RARB: variants seen among roughly 807,000 people sequenced by gnomAD.
RARB encodes retinoic acid receptor beta.
In RARB, 17 loss-of-function variants were observed where a neutral mutation model predicts 51.9. That is an observed-to-expected ratio of 0.33 (90% CI 0.22 to 0.49). RARB has a LOEUF of 0.49. Ranked by LOEUF, RARB falls within the 20% of genes least tolerant of loss-of-function variation. The pLI, the probability that RARB is intolerant of heterozygous loss-of-function variation, is 0.99. For synonymous variants in RARB, 215 were observed against 195.4 expected (o/e 1.10, Z -0.84); for missense variants, 369 against 550.8 (o/e 0.67, Z 3.30).
chr3:25,286,903 T>C (rs79507751), intron 5 of RARB, among the ~76,000 whole-genome samples: 7,478 of 152,300 alleles, frequency 0.049, 195 homozygotes, highest in Middle Eastern at 0.071. Context: ...CTTCAAGATA[T>C]CTATTTTACA....
intron 4 of RARB, among the ~76,000 whole-genome samples, chr3:25,165,305 G>A (rs1700542341): frequency 6.6e-6 from 1 of 151,938 alleles, no homozygotes; most frequent in Non-Finnish European, 1.5e-5. Flanking sequence ...GTAGTCTCAT[G>A]GCTTCTGCCA....
chr3:25,412,036 T>C (rs748338434), intron 5 of RARB, among the ~76,000 whole-genome samples: 2 of 152,156 alleles, frequency 1.3e-5, no homozygotes, highest in Admixed American at 1.3e-4. Flanking sequence ...GAATTGTAGA[T>C]AGCATGAGGG....
At chr3:25,298,524 T>A (rs1447877316) in intron 5 of RARB, among the ~76,000 whole-genome samples, 1 of 152,144 alleles carries the variant, frequency 6.6e-6, no homozygotes, top group Non-Finnish European at 1.5e-5. Context: ...AACAATTCTT[T>A]GTGTGTCTGT....
At chr3:25,526,843 C>G (rs773517621) in intron 3 of RARB, among the ~76,000 whole-genome samples, 1 of 152,136 alleles carries the variant, frequency 6.6e-6, no homozygotes, top group African/African-American at 2.4e-5. Context: ...CCCATGATTC[C>G]TTACTCATGA....
At position 25,291,280 on chromosome 3, in the gene RARB, A is replaced by G. The variant is rs961301914; in HGVS notation, c.178+116705A>G. On this transcript the variant is annotated intron_variant, in intron 5 of 11. Transcript: ENST00000383772. ...AGATCAGTTCGAGTTCAAGCATGGA[A>G]CGCTGTGCATTCTGTAAAATAATGT... Among the ~76,000 whole-genome samples the G allele has an allele frequency of 3.9e-5, 6 of 152,186 alleles. No individual in the cohort carries two copies. In the East Asian group the frequency reaches 1.2e-3, roughly 29 times the overall value.
At chr3:25,317,685 G>A (rs989819210) in intron 5 of RARB, among the ~76,000 whole-genome samples, 1 of 152,104 alleles carries the variant, frequency 6.6e-6, no homozygotes, top group African/African-American at 2.4e-5. Context: ...TATAGGAAAT[G>A]GGAGTAGGCT....
At chr3:25,029,764 AT>A (rs1269086147) in intron 2 of RARB, among the ~76,000 whole-genome samples, 1 of 152,224 alleles carries the variant, frequency 6.6e-6, no homozygotes, top group Non-Finnish European at 1.5e-5. Context: ...GCTGCTTTTC[AT>A]TTTAGGAATG....
intron 2 of RARB, among the ~76,000 whole-genome samples, chr3:25,468,497 G>A (rs182577920): frequency 2.9e-4 from 44 of 150,490 alleles, no homozygotes; most frequent in South Asian, 1.0e-3. Context: ...GTTAAGGAAC[G>A]TGGCCAAGGA....
intron 5 of RARB, among the ~76,000 whole-genome samples, chr3:25,312,183 T>C (rs988657319): frequency 1.3e-5 from 2 of 152,138 alleles, no homozygotes; most frequent in African/African-American, 4.8e-5. Flanking sequence ...AATGTGTTAT[T>C]TTCTATAAAT....
chr3:24,923,996 C>T (rs189444649), intron 2 of RARB, among the ~76,000 whole-genome samples: 2 of 152,202 alleles, frequency 1.3e-5, no homozygotes, highest in Admixed American at 1.3e-4. Flanking sequence ...AATCTGTGAT[C>T]TATTAAGGTT....
At chr3:25,468,105 T>C (rs1484247122) in intron 2 of RARB, among the ~76,000 whole-genome samples, 1 of 152,188 alleles carries the variant, frequency 6.6e-6, no homozygotes, top group African/African-American at 2.4e-5. Flanking sequence ...ACTTGGATTC[T>C]CGGAGCATTT....
chr3:25,125,015 CTTGA>C (rs1699839573), intron 3 of RARB, among the ~76,000 whole-genome samples: 1 of 152,116 alleles, frequency 6.6e-6, no homozygotes, highest in Admixed American at 6.5e-5. Context: ...GATAAAAATT[CTTGA>C]TTGAGATCAT....
chr3:25,039,335 G>A (rs1698066406), intron 2 of RARB, among the ~76,000 whole-genome samples: 1 of 152,230 alleles, frequency 6.6e-6, no homozygotes, highest in African/African-American at 2.4e-5. Flanking sequence ...AAATAAGACA[G>A]TGGTGGGGCA....
At chr3:25,073,197 C>G (rs1422041530) in intron 3 of RARB, among the ~76,000 whole-genome samples, 1 of 152,088 alleles carries the variant, frequency 6.6e-6, no homozygotes, top group African/African-American at 2.4e-5. Context: ...ATATCTCAGC[C>G]GTAATGAAGC....
intron 5 of RARB, among the ~76,000 whole-genome samples, chr3:25,344,730 A>G (rs1348512419): frequency 1.1e-4 from 17 of 152,210 alleles, no homozygotes; most frequent in Admixed American, 1.1e-3. Context: ...TTTGATAAAA[A>G]TCAGTTTTTA....
chr3:25,510,280 G>C (rs1235472027), intron 3 of RARB, among the ~76,000 whole-genome samples: 2 of 152,146 alleles, frequency 1.3e-5, no homozygotes, highest in Admixed American at 1.3e-4. Flanking sequence ...CATATTTAAA[G>C]CTACACGGTT....
At position 25,040,098 on chromosome 3, in the gene RARB, A is replaced by G. The variant is rs146599936; in HGVS notation, c.-379-20027A>G. 7.9e-3 allele frequency among the ~76,000 whole-genome samples: 1,205 copies of G among 152,304 alleles called. 31 individuals are homozygous for G. Among genetic ancestry groups the G allele is most frequent in the Admixed American group, 0.051 (786 of 15,290 alleles). On this transcript the variant is annotated intron_variant, in intron 2 of 11. Coordinates refer to the RARB transcript ENST00000383772. ...TCATGGTAATGTGGGTTGCATGTACATTTTTATTTTCTGGTCTGAAATGTT... is the reference window on the plus strand; with the variant it reads ...TCATGGTAATGTGGGTTGCATGTACGTTTTTATTTTCTGGTCTGAAATGTT...
intron 2 of RARB, among the ~76,000 whole-genome samples, chr3:24,982,465 G>T (rs1291981351): frequency 6.6e-6 from 1 of 152,190 alleles, no homozygotes; most frequent in Non-Finnish European, 1.5e-5. Context: ...CTGCTCAGTA[G>T]CTTTGATGTG....
At chr3:25,100,130 A>G (rs1699372314) in intron 3 of RARB, among the ~76,000 whole-genome samples, 1 of 152,192 alleles carries the variant, frequency 6.6e-6, no homozygotes, top group South Asian at 2.1e-4. Context: ...ATATCCCTCC[A>G]AAGTGGCAAA....
Sources: allele counts gnomAD v4.1 joint callset (sites outside exome capture counted in the v4.1 genomes callset), GRCh38; gene constraint gnomAD v4.1.1; transcripts MANE v1.5; gene names NCBI Gene and HGNC (gene_info 2026-07-23, HGNC 2026-07-21).